The following CDK5RAP2 variants were observed in gnomAD, a reference collection of about 807,000 sequenced individuals.
CDK5RAP2 encodes CDK5 regulatory subunit associated protein 2.
Under a neutral mutation model 232.9 loss-of-function variants are expected in CDK5RAP2, and 147 were observed. The observed-to-expected ratio is 0.63, with a 90% CI of 0.55 to 0.72. The LOEUF (loss-of-function observed/expected upper bound fraction) is 0.72, where lower values mean the gene tolerates loss of function less well. Among genes scored for constraint, CDK5RAP2 ranks in the 30% least tolerant of loss-of-function variants. The pLI is 0.00. For synonymous variants in CDK5RAP2, 833 were observed against 833.7 expected, an observed-to-expected ratio of 1.00 and a Z score of 0.01; for missense variants, 2,195 against 2,231.5, an observed-to-expected ratio of 0.98 and a Z score of 0.33.
At chr9:120,484,627 G>T (rs747822414) in intron 14 of CDK5RAP2, among the ~76,000 whole-genome samples, 4 of 152,142 alleles carry the variant, frequency 2.6e-5, no homozygotes, top group Non-Finnish European at 5.9e-5. Context: ...GGGAGGCTGG[G>T]GTGGGAGAAT....
Position 120,404,114 on chromosome 9 carries a change from C to T in CDK5RAP2, c.4964-1G>A. The T allele has an allele frequency of 6.2e-7, 1 of 1,604,710 alleles. No homozygotes were observed. The highest frequency in any genetic ancestry group is 1.1e-5 in the South Asian group (1 of 90,926). ...CTTTCCATGGGATATTTGTCACCAT[C>T]TACAAAATGCAAAACACGAGAACTG... On this transcript the variant is annotated splice_acceptor_variant, in intron 32 of 37. Coordinates refer to ENST00000349780, the MANE Select transcript of CDK5RAP2 (RefSeq NM_018249.6). LOFTEE classifies it high-confidence loss of function.
chr9:120,400,790 C>G lies in CDK5RAP2; in HGVS notation c.5403G>C (p.Trp1801Cys), dbSNP rs769913178. ...GGCCATCCTCGGGGAGTGAGACTCTCCAGAGAAGCTTCAGCCGCCTGTAGG... is the reference window on the plus strand; with the variant it reads ...GGCCATCCTCGGGGAGTGAGACTCTGCAGAGAAGCTTCAGCCGCCTGTAGG... ...EEAYRRLKLL[W>C]RVSLPEDGQC... Residue 1801 changes from tryptophan to cysteine, a missense_variant, in exon 35 of 38, where the codon TGG becomes TGC. Transcript: ENST00000349780. 6 of 1,614,042 alleles carry G rather than the reference C, an allele frequency of 3.7e-6. No individual in the cohort carries two copies. The African/African-American group carries it at 8.0e-5, about 22-fold the overall frequency.
chr9:120,445,840 C>G (rs1650270081), intron 22 of CDK5RAP2, among the ~76,000 whole-genome samples: 1 of 152,208 alleles, frequency 6.6e-6, no homozygotes, highest in African/African-American at 2.4e-5. Context: ...GACCTCTACC[C>G]TTGACTCCAG....
At chr9:120,543,906 CA>C (rs1285984308) in intron 5 of CDK5RAP2, among the ~76,000 whole-genome samples, 1 of 152,040 alleles carries the variant, frequency 6.6e-6, no homozygotes, top group Non-Finnish European at 1.5e-5. Flanking sequence ...TCTCATAGCT[CA>C]CTTTATTTTT....
intron 14 of CDK5RAP2, among the ~76,000 whole-genome samples, chr9:120,477,866 G>C (rs1328551248): frequency 6.6e-6 from 1 of 152,172 alleles, no homozygotes; most frequent in Non-Finnish European, 1.5e-5. Flanking sequence ...TGGGGACTAG[G>C]GATTTAGTTA....
chr9:120,406,957 C>T (rs933855924), intron 32 of CDK5RAP2, 55 bp downstream of exon 32: 12 of 1,310,920 alleles, frequency 9.2e-6, no homozygotes, highest in Non-Finnish European at 1.2e-5. Context: ...TCACATGTCA[C>T]ACACAGATGC....
At chr9:120,489,044 A>G (rs2038756801) in intron 13 of CDK5RAP2, among the ~76,000 whole-genome samples, 1 of 152,220 alleles carries the variant, frequency 6.6e-6, no homozygotes, top group African/African-American at 2.4e-5. Context: ...ATAGGAGGCA[A>G]ATGACTGTAG....
chr9:120,579,672 C>T (rs1274032850), intron 1 of CDK5RAP2, among the ~76,000 whole-genome samples: 1 of 152,216 alleles, frequency 6.6e-6, no homozygotes, highest in Non-Finnish European at 1.5e-5. Context: ...AAACTCCTTA[C>T]CTGTTCTTCA....
At position 120,419,828 on chromosome 9, in the gene CDK5RAP2, C is replaced by A. The variant is rs1295137233; in HGVS notation, c.4137G>T (p.Glu1379Asp). Residue 1379 changes from glutamate to aspartate, a missense_variant, in exon 27 of 38, where the codon GAG becomes GAT. Physicochemically the swap from Glu to Asp is conservative, Grantham distance 45. Coordinates refer to ENST00000349780, the MANE Select transcript of CDK5RAP2 (RefSeq NM_018249.6). ...TCACCATAACTGAAGTCTTCTCTGT[C>A]TCATTATCTTGCTTCTGGTCTCGTG... ...FFSRDQKQDN[E>D]TEKTSVMVNS... 1.2e-6 allele frequency: 2 copies of A among 1,614,066 alleles called. No homozygotes were observed. The highest frequency in any genetic ancestry group is 8.5e-7 in the Non-Finnish European group (1 of 1,179,900).
At chr9:120,477,921 C>T (rs1394446445) in intron 14 of CDK5RAP2, among the ~76,000 whole-genome samples, 3 of 152,150 alleles carry the variant, frequency 2.0e-5, no homozygotes, top group Non-Finnish European at 2.9e-5. Context: ...GGGAGGCATC[C>T]AGAACACAGT....
intron 1 of CDK5RAP2, among the ~76,000 whole-genome samples, chr9:120,577,877 T>C (rs1458162844): frequency 6.6e-6 from 1 of 152,142 alleles, no homozygotes; most frequent in Non-Finnish European, 1.5e-5. Context: ...GAAATAAGAA[T>C]GGCTATCTGA....
chr9:120,520,780 C>CTCAT (rs2040598638), intron 11 of CDK5RAP2, among the ~76,000 whole-genome samples: 1 of 144,540 alleles, frequency 6.9e-6, no homozygotes, highest in Non-Finnish European at 1.5e-5. Context: ...TCAGATATCT[C>CTCAT]ATGAGATATA....
rs373183443 is a variant in CDK5RAP2, at chr9:120,432,038, G to A, written c.3955+5257C>T. Among the ~76,000 whole-genome samples the A allele has an allele frequency of 2.4e-4, 37 of 152,232 alleles. No individual in the cohort carries two copies. In the East Asian group the frequency reaches 2.5e-3, roughly 10 times the overall value. ...CCCCTTATAAGCATTAAGAAACAAC[G>A]CTACCATCCTACTTCTTGGAGCCTA... On this transcript the variant is annotated intron_variant, in intron 25 of 37. Transcript: ENST00000349780.
intron 16 of CDK5RAP2, 26 bp from the exon 17 acceptor site, chr9:120,470,246 TG>T: frequency 1.8e-6 from 2 of 1,118,682 alleles, no homozygotes; most frequent in South Asian, 1.4e-5. Flanking sequence ...AAAAAAAAGG[TG>T]GGGAGGGGGA....
chr9:120,448,367 CT>C (rs2036308471), intron 21 of CDK5RAP2, among the ~76,000 whole-genome samples: 1 of 152,218 alleles, frequency 6.6e-6, no homozygotes, highest in Non-Finnish European at 1.5e-5. Context: ...CCTATCGTCT[CT>C]CTGGACAATC....
rs2033190174 is a variant in CDK5RAP2, at chr9:120,403,227, G to A, written c.5042-156C>T. 8.8e-6 allele frequency: 6 copies of A among 685,488 alleles called. No individual in the cohort carries two copies. The East Asian group carries it at 1.6e-4, about 19-fold the overall frequency. The allele number at this position is 685,488 out of a possible 1,614,324, so 42.5% of individuals were successfully genotyped here. A position where few individuals can be genotyped will look rare whatever the true frequency, so the allele number is the denominator to read the frequency against. ...AGAGGGGAAAAGAGGCACGCTCCTG[G>A]ACCTCTGTATATTACCCCACACTGG... On this transcript the variant is annotated intron_variant, in intron 33 of 37. Coordinates refer to ENST00000349780, the MANE Select transcript of CDK5RAP2 (RefSeq NM_018249.6). This position sits in a 1 kb window ranked among gnomAD's most constrained non-coding sequence, Gnocchi z 4.2.
Position 120,394,034 on chromosome 9 carries a change from T to C in CDK5RAP2, c.5578+478A>G, listed in dbSNP as rs968144318. Among the ~76,000 whole-genome samples the C allele has an allele frequency of 2.0e-5, 3 of 152,222 alleles. No homozygotes were observed. The South Asian group carries it at 6.2e-4, about 32-fold the overall frequency. ...ACCTTAATTCACTGTTTGCAGCCTT[T>C]ACCCCACAGGGACTGGTTTTGGTTT... On this transcript the variant is annotated intron_variant, in intron 36 of 37. Coordinates refer to ENST00000349780, the MANE Select transcript of CDK5RAP2 (RefSeq NM_018249.6).
intron 12 of CDK5RAP2, among the ~76,000 whole-genome samples, chr9:120,494,784 C>T (rs1207098275): frequency 1.0e-5 from 1 of 95,874 alleles, no homozygotes; most frequent in African/African-American, 7.5e-5. Context: ...CCAGAAGGGT[C>T]GAAGGCGCCG....
Position 120,458,608 on chromosome 9 carries a change from A to G in CDK5RAP2, c.2217T>C (p.Leu739=). Residue 739 remains leucine (L), a synonymous_variant, in exon 20 of 38, where the codon CTT becomes CTC. Transcript: ENST00000349780. ...ATCCATTTTTGCAGCCTCCTTTGGA[A>G]AGGTCTTTCATAATCTGCAAATAAA... is the stretch of plus-strand genomic sequence containing the variant. ...LQQSNEIMKD[L]SKGGCKNGYL... 6.2e-7 allele frequency: 1 copy of G among 1,614,148 alleles called. No homozygotes were observed. Among genetic ancestry groups the G allele is most frequent in the Non-Finnish European group, 8.5e-7 (1 of 1,179,988 alleles).
Sources: gnomAD v4.1 joint callset for allele counts (sites outside exome capture counted in the v4.1 genomes callset) on GRCh38, gnomAD v4.1.1 for gene constraint, Gnocchi (gnomAD v3.1) non-coding constraint, MANE v1.5 for transcripts, NCBI Gene and HGNC (gene_info 2026-07-23, HGNC 2026-07-21) for gene names.